Variants in JSRP1 observed in about 807,000 individuals in gnomAD.
JSRP1 encodes the protein 2310032K21Rik.
JSRP1 carries 29 observed loss-of-function variants against 21.4 expected under a neutral mutation model. That is an observed-to-expected ratio of 1.36 (90% CI 1.01 to 1.85). The LOEUF (loss-of-function observed/expected upper bound fraction) is 1.85, where lower values mean the gene tolerates loss of function less well. Among genes scored for constraint, JSRP1 ranks in the 40% most tolerant of loss-of-function variants. JSRP1 has a pLI of 0.00. For synonymous variants in JSRP1, 221 were observed against 206.1 expected, an observed-to-expected ratio of 1.07 and a Z score of -0.62; for missense variants, 531 against 461.5, an observed-to-expected ratio of 1.15 and a Z score of -1.38.
Position 2,255,336 on chromosome 19 carries a change from C to T in JSRP1, c.-22G>A, listed in dbSNP as rs766405495. The T allele has an allele frequency of 2.6e-4, 406 of 1,543,612 alleles. 2 individuals are homozygous for T. The highest frequency in any genetic ancestry group is 3.1e-4 in the Non-Finnish European group (352 of 1,123,838). On this transcript the variant is annotated 5_prime_UTR_variant, in exon 2 of 7. Transcript: ENST00000300961. ...ACATGGCTGGAGCAGCAGCAGGTCC[C>T]AGGCCAGGCTGGGAGGGGTGGGGAA...
rs768922801 is a variant in JSRP1 at position 2,255,213 on chromosome 19, C to G, written c.102G>C (p.Arg34Ser). Residue 34 changes from arginine (R) to serine (S), a missense_variant, in exon 2 of 7, where the codon AGG (arginine) becomes AGC (serine). Physicochemically the swap from Arg to Ser is moderately radical, Grantham distance 110. Transcript: ENST00000300961. ...CCAGCGCCACAAGGGTACCTGAAGC[C>G]CTGTCCTCCTGGGTCTCGGCCAGCG... The part of the protein sequence containing the change: ...HSALAETQED[R>S]ASATPRLADS... 1 of 1,597,404 alleles carries G rather than the reference C, an allele frequency of 6.3e-7. No homozygotes were observed. Among genetic ancestry groups the G allele is most frequent in the East Asian group, 2.3e-5 (1 of 44,354 alleles).
intron 5 of JSRP1, among the ~76,000 whole-genome samples, chr19:2,253,238 G>A (rs1426177497): frequency 6.6e-6 from 1 of 152,228 alleles, no homozygotes; most frequent in Non-Finnish European, 1.5e-5. Context: ...CCGACCACGG[G>A]CTGTAGGAGG....
Position 2,255,295 on chromosome 19 carries a change from G to T in JSRP1, c.20C>A (p.Ala7Asp), listed in dbSNP as rs1568398524. The T allele has an allele frequency of 6.2e-7, 1 of 1,610,712 alleles. No homozygotes were observed. The highest frequency in any genetic ancestry group is 2.2e-5 in the East Asian group (1 of 44,758). ...CAGGCCGCCATCCAGCTCCTCCCAG[G>T]CTCTGGTTGTCATGGACATGGCTGG... MSMTTR[A>D]WEELDGGLGS... is the part of the protein sequence containing the mutation. Residue 7 changes from alanine to aspartate, a missense_variant, in exon 2 of 7, where the codon GCC (alanine) becomes GAC (aspartate). By Grantham distance (126) the Ala-to-Asp change is moderately radical. Coordinates refer to ENST00000300961, the MANE Select transcript of JSRP1 (RefSeq NM_144616.4).
chr19:2,252,439 T>G lies in JSRP1; in HGVS notation c.886A>C (p.Arg296=), dbSNP rs976187002. ...GGHRPWARDS[R]DAEPRKKQAW... ...TGCTTCTTCCTGGGCTCGGCGTCCC[T>G]GGAGTCCCGTGCCCACGGCCGGTGG... The change falls in exon 7 of 7, where the codon AGG becomes CGG. Residue 296 remains arginine, a synonymous_variant. Coordinates refer to ENST00000300961, the MANE Select transcript of JSRP1 (RefSeq NM_144616.4). 15 of 1,610,566 alleles carry G rather than the reference T, an allele frequency of 9.3e-6. No homozygotes were observed. Among genetic ancestry groups the G allele is most frequent in the African/African-American group, 1.3e-5 (1 of 74,844 alleles).
At position 2,254,287 on chromosome 19, in the gene JSRP1, A is replaced by C; in HGVS notation, c.162T>G (p.Ala54=). 1 of 1,600,144 alleles carries C rather than the reference A, an allele frequency of 6.2e-7. No homozygotes were observed. The highest frequency in any genetic ancestry group is 8.5e-7 in the Non-Finnish European group (1 of 1,171,518). ...GCCTGGTGTCCACACTGGGGCCTTC[A>C]GCCACCTGAGAGTCCTGTGGTTATC... The part of the protein sequence containing the change: ...SGSVPHDSQV[A]EGPSVDTRPK... The change falls in exon 4 of 7, where the codon GCT becomes GCG. Residue 54 remains alanine, a synonymous_variant. Transcript: ENST00000300961.
Position 2,252,740 on chromosome 19 carries a change from T to G in JSRP1, c.585A>C (p.Ala195=). 1 of 1,612,562 alleles carries G rather than the reference T, an allele frequency of 6.2e-7. No individual in the cohort carries two copies. Among genetic ancestry groups the G allele is most frequent in the Non-Finnish European group, 8.5e-7 (1 of 1,179,890 alleles). Residue 195 remains alanine, a synonymous_variant, in exon 7 of 7, where the codon GCA becomes GCC. Transcript: ENST00000300961. ...TCCCGGGAATCTTGGGTCTGACCTC[T>G]GCCTCGGCCCGGGGCGCAGGCGGCG... ...PSAPPAPRAE[A]EVRPKIPGSR... is the part of the protein sequence containing the mutation.
Position 2,254,191 on chromosome 19 carries a change from T to G in JSRP1, c.258A>C (p.Gly86=). The change falls in exon 4 of 7, where the codon GGA becomes GGC. Residue 86 remains glycine (G), a synonymous_variant. Coordinates refer to ENST00000300961, the MANE Select transcript of JSRP1 (RefSeq NM_144616.4). ...CCATGCCTCCTGCAAACCCACTCGC[T>G]CCGGCTTTCAGCCTCTCCTTCCCCG... ...PGTGKERLKA[G]ASPRSVPARK... is the part of the protein sequence containing the mutation. 6.2e-7 allele frequency: 1 copy of G among 1,601,320 alleles called. No homozygotes were observed.
chr19:2,255,414 G>A, intron 1 of JSRP1, 70 bp from the exon 2 acceptor site: 2 of 651,742 alleles, frequency 3.1e-6, no homozygotes, highest in Non-Finnish European at 2.5e-6. Context: ...TGACCTGGAG[G>A]TTCTGCGGAC....
chr19:2,252,345 C>T lies in JSRP1; in HGVS notation c.980G>A (p.Gly327Asp), dbSNP rs776024758. ...GGGGCCGGCTCAGTCCCGCCCCTTG[C>T]CTGCGCGGAGCTTCTGGCGACTCCC... ...RPGSRQKLRA[G>D]KGRD Residue 327 changes from glycine to aspartate, a missense_variant, in exon 7 of 7, where the codon GGC (glycine) becomes GAC (aspartate). Physicochemically the swap from Gly to Asp is moderately conservative, Grantham distance 94. Coordinates refer to ENST00000300961, the MANE Select transcript of JSRP1 (RefSeq NM_144616.4). 6.6e-7 allele frequency: 1 copy of T among 1,524,050 alleles called. No homozygotes were observed. Among genetic ancestry groups the T allele is most frequent in the Non-Finnish European group, 8.8e-7 (1 of 1,139,742 alleles). 94.4% of individuals were successfully genotyped at this position (1,524,050 alleles called of 1,614,324 possible).
intron 2 of JSRP1, among the ~76,000 whole-genome samples, chr19:2,254,891 CAAAAAATAATAA>C (rs2025125638): frequency 6.6e-6 from 1 of 151,638 alleles, no homozygotes; most frequent in Non-Finnish European, 1.5e-5. Context: ...GGCTCTGTCT[CAAAAAATAATAA>C]TAAAAATATA....
chr19:2,254,535 C>A, intron 2 of JSRP1, 53 bp from the exon 3 acceptor site: 1 of 1,603,668 alleles, frequency 6.2e-7, no homozygotes, highest in East Asian at 2.2e-5. Context: ...GCCAATCCCA[C>A]CCTCTCCCCT....
chr19:2,253,959 C>T (rs2025110018), intron 4 of JSRP1, among the ~76,000 whole-genome samples, 166 bp from the exon 5 acceptor site: 1 of 152,214 alleles, frequency 6.6e-6, no homozygotes, highest in South Asian at 2.1e-4. Context: ...CGCAGCTGCA[C>T]GGGGATGCCT....
chr19:2,254,452 A>C lies in JSRP1; in HGVS notation c.140T>G (p.Val47Gly). Residue 47 changes from valine to glycine, a missense_variant, in exon 3 of 7, where the codon GTG becomes GGG. Transcript: ENST00000300961. ...ATPRLADSGS[V>G]PHDSQVAEGP... ...AGGGTCCCAGCTACTCACGTGGGGC[A>C]CGCTGCCGGAGTCGGCCAGCCTGGG... 6.2e-7 allele frequency: 1 copy of C among 1,612,874 alleles called. No individual in the cohort carries two copies. Among genetic ancestry groups the C allele is most frequent in the South Asian group, 1.1e-5 (1 of 91,090 alleles).
rs760285044 is a variant in JSRP1 at position 2,252,336 on chromosome 19, C to A, written c.989G>T (p.Arg330Leu). The A allele has an allele frequency of 6.7e-7, 1 of 1,503,368 alleles. No individual in the cohort carries two copies. The highest frequency in any genetic ancestry group is 1.3e-5 in the South Asian group (1 of 78,454). The allele number at this position is 1,503,368 out of a possible 1,614,324, so 93.1% of individuals were successfully genotyped here. A position where few individuals can be genotyped will look rare whatever the true frequency, so the allele number is the denominator to read the frequency against. ...SRQKLRAGKG[R>L]D ...CTCCGGCGCGGGGCCGGCTCAGTCC[C>A]GCCCCTTGCCTGCGCGGAGCTTCTG... The change falls in exon 7 of 7, where the codon CGG becomes CTG. Residue 330 changes from arginine (R) to leucine (L), a missense_variant. Coordinates refer to ENST00000300961, the MANE Select transcript of JSRP1 (RefSeq NM_144616.4).
intron 5 of JSRP1, 113 bp from the exon 6 acceptor site, chr19:2,253,116 C>T: frequency 1.3e-6 from 1 of 744,698 alleles, no homozygotes; most frequent in South Asian, 1.8e-5. Flanking sequence ...TGGGGCTCCC[C>T]CGGTACGGCT....
At chr19:2,253,554 T>C in intron 5 of JSRP1, 66 bp downstream of exon 5, 1 of 1,358,994 alleles carries the variant, frequency 7.4e-7, no homozygotes, top group Non-Finnish European at 9.5e-7. Context: ...ACAGCGCCTT[T>C]CCTTGGAGGA....
chr19:2,252,718 C>T lies in JSRP1; in HGVS notation c.607G>A (p.Gly203Arg). The part of the protein sequence containing the change: ...AEAEVRPKIP[G>R]SREAAENDEE... ...TCGTTCTCTGCAGCCTCCCGACTCCCGGGAATCTTGGGTCTGACCTCTGCC... is the reference window on the plus strand; with the variant it reads ...TCGTTCTCTGCAGCCTCCCGACTCCTGGGAATCTTGGGTCTGACCTCTGCC... The change falls in exon 7 of 7, where the codon GGG (glycine) becomes AGG (arginine). Residue 203 changes from glycine to arginine, a missense_variant. Gly to Arg is a moderately radical substitution (Grantham distance 125). Transcript: ENST00000300961. 1 of 1,612,548 alleles carries T rather than the reference C, an allele frequency of 6.2e-7. No individual in the cohort carries two copies. Among genetic ancestry groups the T allele is most frequent in the South Asian group, 1.1e-5 (1 of 91,078 alleles).
At chr19:2,256,170 G>A (rs1343522067) in intron 1 of JSRP1, among the ~76,000 whole-genome samples, 1 of 152,172 alleles carries the variant, frequency 6.6e-6, no homozygotes, top group Non-Finnish European at 1.5e-5. Context: ...CAGCCCTGGG[G>A]CTCCAAGACC....
At position 2,254,234 on chromosome 19, in the gene JSRP1, G is replaced by A. The variant is rs1459110541; in HGVS notation, c.215C>T (p.Ala72Val). The A allele has an allele frequency of 6.2e-7, 1 of 1,606,024 alleles. No individual in the cohort carries two copies. Among genetic ancestry groups the A allele is most frequent in the Non-Finnish European group, 8.5e-7 (1 of 1,176,550 alleles). ...CTTCCCCGTTCCTGGGGTCCCCCTG[G>A]CGGCAGGCTCTTTTTCCATCTTCTT... is the stretch of plus-strand genomic sequence containing the variant. ...RPKKMEKEPA[A>V]RGTPGTGKER... Residue 72 changes from alanine (A) to valine (V), a missense_variant, in exon 4 of 7, where the codon GCC becomes GTC. Ala to Val is a moderately conservative substitution (Grantham distance 64). Coordinates refer to ENST00000300961, the MANE Select transcript of JSRP1 (RefSeq NM_144616.4).
Sources: gnomAD v4.1 joint callset for allele counts (sites outside exome capture counted in the v4.1 genomes callset) on GRCh38, gnomAD v4.1.1 for gene constraint, MANE v1.5 for transcripts, NCBI Gene and HGNC (gene_info 2026-07-23, HGNC 2026-07-21) for gene names.